FAM133B: variants seen among roughly 807,000 people sequenced by gnomAD.
FAM133B encodes the protein family with sequence similarity 133 member B.
Under a neutral mutation model 46.4 loss-of-function variants are expected in FAM133B, and 25 were observed. The ratio of observed to expected loss-of-function variants is 0.54; its 90% CI spans 0.39 to 0.75. The LOEUF is 0.75. Ranked by LOEUF, FAM133B falls within the 30% of genes least tolerant of loss-of-function variation. The pLI, the probability that FAM133B is intolerant of heterozygous loss-of-function variation, is 0.00. For synonymous variants in FAM133B, 75 were observed against 86.0 expected, an observed-to-expected ratio of 0.87 and a Z score of 0.71; for missense variants, 205 against 277.6, an observed-to-expected ratio of 0.74 and a Z score of 1.86.
intron 1 of FAM133B, among the ~76,000 whole-genome samples, chr7:92,583,083 A>G (rs1562897644): frequency 6.6e-6 from 1 of 152,262 alleles, no homozygotes; most frequent in Non-Finnish European, 1.5e-5. Flanking sequence ...GCAAATGTCC[A>G]TCTATGGATA....
chr7:92,589,852 G>C lies in FAM133B; in HGVS notation c.24+416C>G, dbSNP rs575169225. 322 of 182,810 alleles carry C rather than the reference G, an allele frequency of 1.8e-3. 1 individual carries two copies. The highest frequency in any genetic ancestry group is 7.0e-3 in the African/African-American group (297 of 42,462). The allele number at this position is 182,810 out of a possible 1,614,324, so 11.3% of individuals were successfully genotyped here. On this transcript the variant is annotated intron_variant, in intron 1 of 10. Transcript: ENST00000445716. ...TCCCACTTGGGTGCGCAGGAGAGGG[G>C]TGCGGACCTGGGGCGGCCGATACCA...
In FAM133B at chr7:92,581,610, G is replaced by A. The variant is rs2116413881; in HGVS notation, c.25-7C>T. 6.2e-7 allele frequency: 1 copy of A among 1,610,180 alleles called. No individual in the cohort carries two copies. Among genetic ancestry groups the A allele is most frequent in the Non-Finnish European group, 8.5e-7 (1 of 1,176,714 alleles). The stretch of plus-strand genomic sequence containing the variant: ...CTATTGGGTTCATATAGGCCTTGGG[G>A]AAAGAACAACAATTAATCCATTAAA... On this transcript the variant is annotated splice_region_variant and splice_polypyrimidine_tract_variant and intron_variant, in intron 1 of 10. Coordinates refer to ENST00000445716, the MANE Select transcript of FAM133B (RefSeq NM_152789.4).
At chr7:92,584,499 T>C (rs970761583) in intron 1 of FAM133B, among the ~76,000 whole-genome samples, 1 of 152,106 alleles carries the variant, frequency 6.6e-6, no homozygotes, top group African/African-American at 2.4e-5. Context: ...TGACAAAACC[T>C]AATTACTTGG....
intron 2 of FAM133B, among the ~76,000 whole-genome samples, chr7:92,580,450 A>G (rs1361844588): frequency 6.6e-6 from 1 of 151,910 alleles, no homozygotes. Flanking sequence ...CTCAATAAAA[A>G]CCCTGGGCAC....
At chr7:92,570,634 T>G (rs1794500797) in intron 8 of FAM133B, among the ~76,000 whole-genome samples, 1 of 152,076 alleles carries the variant, frequency 6.6e-6, no homozygotes, top group South Asian at 2.1e-4. Context: ...AAAACAAAAC[T>G]ACCCAATGGA....
chr7:92,589,480 G>A (rs115745548), intron 1 of FAM133B, among the ~76,000 whole-genome samples: 1,802 of 152,030 alleles, frequency 0.012, 44 homozygotes, highest in African/African-American at 0.042. Context: ...CCCAGTACTC[G>A]CTCACACATC....
At position 92,562,360 on chromosome 7, in the gene FAM133B, T is replaced by G; in HGVS notation, c.666A>C (p.Thr222=). ...GTTTCTTATGCTTCTTTTTCTTTTT[T>G]GTTTTTTCCTGTAAAGATAATTCCA... ...SEEREKATEK[T]KKKKKHKKHS... The change falls in exon 11 of 11, where the codon ACA becomes ACC. Residue 222 remains threonine (T), a synonymous_variant. Transcript: ENST00000445716. 6.5e-7 allele frequency: 1 copy of G among 1,531,124 alleles called. No individual in the cohort carries two copies. Among genetic ancestry groups the G allele is most frequent in the African/African-American group, 1.4e-5 (1 of 72,690 alleles). The allele number at this position is 1,531,124 out of a possible 1,614,324, so 94.8% of individuals were successfully genotyped here. A position where few individuals can be genotyped will look rare whatever the true frequency, so the allele number is the denominator to read the frequency against.
At chr7:92,574,925 AAAT>A (rs1794650079) in intron 8 of FAM133B, among the ~76,000 whole-genome samples, 1 of 152,014 alleles carries the variant, frequency 6.6e-6, no homozygotes, top group Non-Finnish European at 1.5e-5. Context: ...AAAAAAAAAA[AAAT>A]ATGTAAATTC....
At chr7:92,574,911 C>CAAA (rs5885810) in intron 8 of FAM133B, among the ~76,000 whole-genome samples, 17 of 110,448 alleles carry the variant, frequency 1.5e-4, no homozygotes, top group Admixed American at 2.8e-4. Context: ...GACTCCGTCT[C>CAAA]AAAAAAAAAA....
chr7:92,590,164 A>C (rs1195066154), intron 1 of FAM133B, 104 bp downstream of exon 1: 2 of 1,577,692 alleles, frequency 1.3e-6, no homozygotes, highest in Non-Finnish European at 1.7e-6. Flanking sequence ...CCCACGTCTG[A>C]GGGCTGCCGC....
intron 9 of FAM133B, among the ~76,000 whole-genome samples, chr7:92,568,083 A>C (rs1794417453): frequency 6.6e-6 from 1 of 151,990 alleles, no homozygotes; most frequent in Non-Finnish European, 1.5e-5. Context: ...ATTTTAAAAA[A>C]TAAAATTTTT....
chr7:92,577,538 A>G (rs1322496548), intron 6 of FAM133B, 117 bp downstream of exon 6: 1 of 783,880 alleles, frequency 1.3e-6, no homozygotes, highest in Non-Finnish European at 1.9e-6. Context: ...TAAGTTATGG[A>G]TAATTAATCA....
intron 2 of FAM133B, among the ~76,000 whole-genome samples, chr7:92,579,957 G>A (rs1794818406): frequency 6.6e-6 from 1 of 152,198 alleles, no homozygotes; most frequent in African/African-American, 2.4e-5. Context: ...GTGGGCATCT[G>A]GGAACTTGAA....
At chr7:92,578,249 T>C (rs1431296708) in intron 4 of FAM133B, 67 bp from the exon 5 acceptor site, 1 of 1,595,490 alleles carries the variant, frequency 6.3e-7, no homozygotes, top group African/African-American at 1.3e-5. Context: ...CTATTAACAG[T>C]AGTATACAGC....
intron 8 of FAM133B, 78 bp downstream of exon 8, chr7:92,575,693 A>G: frequency 1.5e-6 from 1 of 683,074 alleles, no homozygotes. Flanking sequence ...TCTTAAAAAG[A>G]GATACACATT....
At chr7:92,572,889 G>A (rs1251457833) in intron 8 of FAM133B, among the ~76,000 whole-genome samples, 1 of 152,026 alleles carries the variant, frequency 6.6e-6, no homozygotes, top group Non-Finnish European at 1.5e-5. Context: ...ATAAGCAAAA[G>A]AAACAAACTT....
Position 92,590,373 on chromosome 7 carries a change from T to A in FAM133B, c.-82A>T. ...CGAAGAGGGCCTGCCGCAGGTCCTC[T>A]TGCCGCCTCCCCACTCCGCCTAGAG... On this transcript the variant is annotated 5_prime_UTR_variant, in exon 1 of 11. In the 5' UTR this introduces an upstream ATG that the reference lacks. Coordinates refer to ENST00000445716, the MANE Select transcript of FAM133B (RefSeq NM_152789.4). 6.2e-7 allele frequency: 1 copy of A among 1,600,676 alleles called. No homozygotes were observed. The highest frequency in any genetic ancestry group is 2.3e-5 in the East Asian group (1 of 44,422).
intron 1 of FAM133B, among the ~76,000 whole-genome samples, chr7:92,582,258 A>AC (rs532254447): frequency 2.0e-5 from 3 of 147,966 alleles, no homozygotes; most frequent in East Asian, 2.0e-4. Flanking sequence ...AAATAAAATA[A>AC]ATAACATAAC....
At chr7:92,577,747 G>T in intron 5 of FAM133B, 30 bp from the exon 6 acceptor site, 1 of 1,526,448 alleles carries the variant, frequency 6.6e-7, no homozygotes, top group Non-Finnish European at 8.9e-7. Context: ...ATTAAAGCTT[G>T]TGAGATGCGA....
Sources: allele counts gnomAD v4.1 joint callset (sites outside exome capture counted in the v4.1 genomes callset), GRCh38; gene constraint gnomAD v4.1.1; transcripts MANE v1.5; gene names NCBI Gene and HGNC (gene_info 2026-07-23, HGNC 2026-07-21).